RAP1GDS1: variants seen among roughly 807,000 people sequenced by gnomAD.
RAP1GDS1 encodes the protein RAP1, GTP-GDP dissociation stimulator 1.
Under a neutral mutation model 71.1 loss-of-function variants are expected in RAP1GDS1, and 35 were observed. The ratio of observed to expected loss-of-function variants is 0.49; its 90% CI spans 0.38 to 0.65. The LOEUF (loss-of-function observed/expected upper bound fraction) is 0.65, where lower values mean the gene tolerates loss of function less well. Ranked by LOEUF, RAP1GDS1 falls within the 30% of genes least tolerant of loss-of-function variation. RAP1GDS1 has a pLI of 0.00. For missense variants in RAP1GDS1, 663 were observed against 706.1 expected, an observed-to-expected ratio of 0.94 and a Z score of 0.69; for synonymous variants, 229 against 243.1, an observed-to-expected ratio of 0.94 and a Z score of 0.54.
chr4:98,344,756 C>T (rs1441814584), intron 3 of RAP1GDS1, among the ~76,000 whole-genome samples: 1 of 152,188 alleles, frequency 6.6e-6, no homozygotes, highest in African/African-American at 2.4e-5. Flanking sequence ...GTGTTTATTA[C>T]TCCATGACCA....
At chr4:98,276,940 T>G (rs1038696248) in intron 1 of RAP1GDS1, among the ~76,000 whole-genome samples, 2 of 152,200 alleles carry the variant, frequency 1.3e-5, no homozygotes, top group Admixed American at 6.6e-5. Context: ...GTTCTCTCTC[T>G]ACTTGGCTAG....
chr4:98,335,259 C>T (rs1434492802), intron 2 of RAP1GDS1, among the ~76,000 whole-genome samples: 1 of 152,122 alleles, frequency 6.6e-6, no homozygotes, highest in Non-Finnish European at 1.5e-5. Flanking sequence ...ATTAATCATT[C>T]TGTGTCCATC....
chr4:98,414,490 T>G (rs2110177064), intron 7 of RAP1GDS1, among the ~76,000 whole-genome samples: 1 of 149,938 alleles, frequency 6.7e-6, no homozygotes, highest in South Asian at 2.1e-4. Context: ...CCCCATTGCT[T>G]GTTTTTCTCA....
At chr4:98,324,567 A>T (rs1235082747) in intron 2 of RAP1GDS1, among the ~76,000 whole-genome samples, 2 of 146,292 alleles carry the variant, frequency 1.4e-5, no homozygotes, top group African/African-American at 5.3e-5. Context: ...TGGTACCAAA[A>T]CAGAGATATA....
chr4:98,393,997 C>G (rs1333942107), intron 6 of RAP1GDS1, among the ~76,000 whole-genome samples: 1 of 152,126 alleles, frequency 6.6e-6, no homozygotes, highest in Non-Finnish European at 1.5e-5. Flanking sequence ...GCAACAGAAT[C>G]ATCCTTCACT....
chr4:98,352,069 A>G (rs1017079182), intron 3 of RAP1GDS1, among the ~76,000 whole-genome samples: 8 of 151,670 alleles, frequency 5.3e-5, no homozygotes, highest in African/African-American at 1.9e-4. Flanking sequence ...ATTAGGCAAT[A>G]TGATGGCTTA....
chr4:98,322,894 AGCAGAAG>A (rs1732195004), intron 2 of RAP1GDS1, among the ~76,000 whole-genome samples: 2 of 119,846 alleles, frequency 1.7e-5, no homozygotes, highest in South Asian at 5.2e-4. Flanking sequence ...TTCAAAAGCT[AGCAGAAG>A]GCAAGAAATA....
chr4:98,333,949 A>G (rs1734348435), intron 2 of RAP1GDS1, among the ~76,000 whole-genome samples: 1 of 152,158 alleles, frequency 6.6e-6, no homozygotes, highest in Admixed American at 6.5e-5. Context: ...TGGCCTTAAA[A>G]CATCTAGCAG....
intron 13 of RAP1GDS1, among the ~76,000 whole-genome samples, chr4:98,436,329 T>C (rs1751135028): frequency 6.6e-6 from 1 of 152,228 alleles, no homozygotes; most frequent in Non-Finnish European, 1.5e-5. Flanking sequence ...TTGATTACTG[T>C]AGCTATAGAG....
intron 2 of RAP1GDS1, among the ~76,000 whole-genome samples, chr4:98,308,711 T>C (rs943367215): frequency 1.3e-5 from 2 of 152,156 alleles, no homozygotes; most frequent in African/African-American, 4.8e-5. Flanking sequence ...AAGTTCAGTA[T>C]AATTTACATC....
At chr4:98,399,058 A>AGAT in intron 6 of RAP1GDS1, among the ~76,000 whole-genome samples, 1 of 152,074 alleles carries the variant, frequency 6.6e-6, no homozygotes, top group South Asian at 2.1e-4. Context: ...TTTTTTGTGG[A>AGAT]GATAGAAAAA....
chr4:98,417,144 A>C (rs1340827000), intron 8 of RAP1GDS1, among the ~76,000 whole-genome samples: 2 of 152,198 alleles, frequency 1.3e-5, no homozygotes, highest in Non-Finnish European at 2.9e-5. Flanking sequence ...AAGGGACTAA[A>C]GAAAAGCTAG....
Position 98,418,701 on chromosome 4 carries a change from C to T in RAP1GDS1, c.1084C>T (p.Leu362Phe). 1 of 1,609,456 alleles carries T rather than the reference C, an allele frequency of 6.2e-7. No homozygotes were observed. Among genetic ancestry groups the T allele is most frequent in the Non-Finnish European group, 8.5e-7 (1 of 1,178,042 alleles). ...GGTAGACAATGGGATTGTAGAAAAA[C>T]TTATGGATTTACTGGACAGACATGT... Reference protein sequence around the residue: ...HMVDNGIVEKLMDLLDRHVED... With the variant: ...HMVDNGIVEKFMDLLDRHVED... Residue 362 changes from leucine (L) to phenylalanine (F), a missense_variant, in exon 10 of 15, where the codon CTT becomes TTT. By Grantham distance (22) the Leu-to-Phe change is conservative. Coordinates refer to ENST00000408927, the MANE Select transcript of RAP1GDS1 (RefSeq NM_001100427.2).
intron 2 of RAP1GDS1, among the ~76,000 whole-genome samples, chr4:98,327,033 A>G (rs989082583): frequency 6.6e-6 from 1 of 152,204 alleles, no homozygotes; most frequent in Non-Finnish European, 1.5e-5. Context: ...AGCTCATTCT[A>G]CTTCCAGACT....
chr4:98,331,299 C>G (rs993897993), intron 2 of RAP1GDS1, among the ~76,000 whole-genome samples: 1 of 138,528 alleles, frequency 7.2e-6, no homozygotes, highest in Non-Finnish European at 1.5e-5. Flanking sequence ...GAGACGGAGA[C>G]GAAGGAGAGG....
At chr4:98,339,982 AATCATTCTACAAGTTGGAAT>A (rs1735263162) in intron 2 of RAP1GDS1, among the ~76,000 whole-genome samples, 1 of 151,582 alleles carries the variant, frequency 6.6e-6, no homozygotes, top group Admixed American at 6.6e-5. Context: ...AAGGAATAGA[AATCATTCTACAAGTTGGAAT>A]AGCTGTTATT....
At chr4:98,379,577 A>G (rs1310118895) in intron 5 of RAP1GDS1, 1 of 152,076 alleles carries the variant, frequency 6.6e-6, no homozygotes, top group Non-Finnish European at 1.5e-5. Flanking sequence ...ATAATTTTTT[A>G]AAACTCTAAT....
intron 14 of RAP1GDS1, among the ~76,000 whole-genome samples, chr4:98,438,909 A>G (rs1751531924): frequency 6.6e-6 from 1 of 152,056 alleles, no homozygotes; most frequent in South Asian, 2.1e-4. Flanking sequence ...CCTCTCACGT[A>G]TATCATTCTT....
At chr4:98,346,561 T>TA (rs199985678) in intron 3 of RAP1GDS1, among the ~76,000 whole-genome samples, 3 of 151,642 alleles carry the variant, frequency 2.0e-5, no homozygotes, top group Admixed American at 6.6e-5. Context: ...ATTATTTATT[T>TA]TTTTTTTTTT....
Sources: gnomAD v4.1 joint callset for allele counts (sites outside exome capture counted in the v4.1 genomes callset) on GRCh38, gnomAD v4.1.1 for gene constraint, MANE v1.5 for transcripts, NCBI Gene and HGNC (gene_info 2026-07-23, HGNC 2026-07-21) for gene names.